PTPRA: variants seen among roughly 807,000 people sequenced by gnomAD.
PTPRA encodes protein tyrosine phosphatase receptor type A, also known as receptor-type tyrosine-protein phosphatase alpha.
Under a neutral mutation model 104.8 loss-of-function variants are expected in PTPRA, and 25 were observed. The observed-to-expected ratio is 0.24, with a 90% CI of 0.17 to 0.33. The LOEUF (loss-of-function observed/expected upper bound fraction) is 0.33, where lower values mean the gene tolerates loss of function less well. Ranked by LOEUF, PTPRA falls within the 10% of genes least tolerant of loss-of-function variation. The probability of loss-of-function intolerance (pLI) is 1.00; values close to 1 mark genes in which losing one functional copy is unlikely to be tolerated. For synonymous variants in PTPRA, 323 were observed against 368.9 expected, an observed-to-expected ratio of 0.88 and a Z score of 1.43; for missense variants, 765 against 1,015.3, an observed-to-expected ratio of 0.75 and a Z score of 3.35.
At position 3,037,997 on chromosome 20, in the gene PTPRA, G is replaced by A. The variant is rs182713573; in HGVS notation, c.2335-62G>A. 35 of 1,369,516 alleles carry A rather than the reference G, an allele frequency of 2.6e-5. No homozygotes were observed. The East Asian group carries it at 8.1e-4, about 32-fold the overall frequency. 84.8% of individuals were successfully genotyped at this position (1,369,516 alleles called of 1,614,324 possible). On this transcript the variant is annotated intron_variant, in intron 23 of 23. Transcript: ENST00000399903. The surrounding 1 kb of genome is among the most constrained non-coding windows in gnomAD (Gnocchi z 4.3). ...TTCAACAAAAAAATGAGTCTGTTAGGAATTACAGGTACTGTGTGTTCTTCA... is the reference window on the plus strand; with the variant it reads ...TTCAACAAAAAAATGAGTCTGTTAGAAATTACAGGTACTGTGTGTTCTTCA...
rs377024407 is a variant in PTPRA at position 2,946,576 on chromosome 20, A to C, written c.-49-1406A>C. ...GTTTAAAAGAAAGAGTAGGCCGGGC[A>C]TGGTGGCTCACACCTGTAATCCCAG... On this transcript the variant is annotated intron_variant, in intron 2 of 23. Coordinates refer to ENST00000399903, the MANE Select transcript of PTPRA (RefSeq NM_001385305.1). Among the ~76,000 whole-genome samples the C allele has an allele frequency of 1.6e-4, 24 of 152,282 alleles. No individual in the cohort carries two copies. The South Asian group carries it at 3.9e-3, about 25-fold the overall frequency.
chr20:2,874,882 C>T (rs1322412702), intron 1 of PTPRA, among the ~76,000 whole-genome samples: 1 of 152,174 alleles, frequency 6.6e-6, no homozygotes, highest in African/African-American at 2.4e-5. Context: ...ATCCCGCTTG[C>T]TGGCTAGTAT....
intron 1 of PTPRA, among the ~76,000 whole-genome samples, chr20:2,893,344 G>T (rs936873263): frequency 6.6e-6 from 1 of 152,188 alleles, no homozygotes. Flanking sequence ...TGAGTATAAA[G>T]TATAATCAAC....
intron 1 of PTPRA, among the ~76,000 whole-genome samples, chr20:2,904,947 G>A (rs1280819853): frequency 6.6e-6 from 1 of 152,090 alleles, no homozygotes; most frequent in Admixed American, 6.6e-5. Context: ...ATTATATAGA[G>A]CAGGGATACC....
intron 2 of PTPRA, among the ~76,000 whole-genome samples, chr20:2,945,561 G>A (rs1404433499): frequency 1.3e-5 from 2 of 151,068 alleles, no homozygotes; most frequent in South Asian, 2.1e-4. Flanking sequence ...TATGGAGCAC[G>A]GAGCTTGATT....
At chr20:3,036,923 GGTC>G (rs949962520) in intron 22 of PTPRA, among the ~76,000 whole-genome samples, 2 of 152,176 alleles carry the variant, frequency 1.3e-5, no homozygotes, top group Non-Finnish European at 2.9e-5. Flanking sequence ...TGTGAGTGAA[GGTC>G]GTCCCCCACG....
chr20:2,916,959 CTTTTT>C (rs35317223), intron 1 of PTPRA, among the ~76,000 whole-genome samples: 1 of 131,548 alleles, frequency 7.6e-6, no homozygotes, highest in African/African-American at 2.9e-5. Flanking sequence ...TTTTTTATTT[CTTTTT>C]TTTTTTTTTT....
At chr20:2,879,959 C>T (rs987241831) in intron 1 of PTPRA, among the ~76,000 whole-genome samples, 2 of 152,084 alleles carry the variant, frequency 1.3e-5, no homozygotes, top group Non-Finnish European at 2.9e-5. Context: ...GTGATGCATA[C>T]CTGTATATAT....
chr20:2,940,892 C>T (rs2060887653), intron 2 of PTPRA, among the ~76,000 whole-genome samples: 2 of 152,052 alleles, frequency 1.3e-5, no homozygotes, highest in South Asian at 4.2e-4. Flanking sequence ...CCTTTCTTGT[C>T]CTGCTTTAGT....
intron 1 of PTPRA, among the ~76,000 whole-genome samples, chr20:2,910,296 T>A (rs2059634602): frequency 8.3e-6 from 1 of 121,106 alleles, no homozygotes; most frequent in South Asian, 2.6e-4. Context: ...ATAATATGTA[T>A]TATATATTTT....
At chr20:3,019,037 C>T (rs2064660372) in intron 13 of PTPRA, among the ~76,000 whole-genome samples, 2 of 139,184 alleles carry the variant, frequency 1.4e-5, no homozygotes, top group African/African-American at 2.7e-5. Context: ...GGGGCTGACC[C>T]CCCCACCTCC....
At chr20:3,017,672 C>T (rs944596530) in intron 12 of PTPRA, 144 bp from the exon 13 acceptor site, 15 of 645,910 alleles carry the variant, frequency 2.3e-5, no homozygotes, top group African/African-American at 9.1e-5. Context: ...CAATTAGTAA[C>T]GGGGTGGATG....
At chr20:2,966,750 T>C (rs1178083291) in intron 5 of PTPRA, among the ~76,000 whole-genome samples, 5 of 152,240 alleles carry the variant, frequency 3.3e-5, no homozygotes, top group African/African-American at 1.2e-4. Flanking sequence ...TGTTTTTCAG[T>C]GTACAGGTCA....
chr20:3,020,417 C>G (rs1452316850), intron 13 of PTPRA, among the ~76,000 whole-genome samples: 1 of 152,156 alleles, frequency 6.6e-6, no homozygotes, highest in East Asian at 1.9e-4. Context: ...GCTTTTTTCC[C>G]CTGGTTTCTC....
At chr20:2,926,029 C>A (rs2060281583) in intron 2 of PTPRA, among the ~76,000 whole-genome samples, 1 of 152,094 alleles carries the variant, frequency 6.6e-6, no homozygotes, top group Non-Finnish European at 1.5e-5. Context: ...GCTTCAATTT[C>A]TTTACATTCT....
chr20:2,921,144 T>C (rs2060081177), intron 1 of PTPRA, among the ~76,000 whole-genome samples: 1 of 152,158 alleles, frequency 6.6e-6, no homozygotes, highest in Non-Finnish European at 1.5e-5. Flanking sequence ...TCTGGGACAT[T>C]GGTCTCATCT....
At chr20:2,933,435 TTTGGTTGGTTGG>T (rs781388996) in intron 2 of PTPRA, among the ~76,000 whole-genome samples, 4 of 151,784 alleles carry the variant, frequency 2.6e-5, no homozygotes, top group African/African-American at 7.3e-5. Flanking sequence ...GGTTCTTTCT[TTTGGTTGGTTGG>T]TTGGTTGGTT....
At chr20:2,932,454 G>A (rs2060542111) in intron 2 of PTPRA, among the ~76,000 whole-genome samples, 1 of 152,284 alleles carries the variant, frequency 6.6e-6, no homozygotes, top group South Asian at 2.1e-4. Context: ...AAACAAAGGG[G>A]TATGAGGGTT....
chr20:3,022,734 G>A lies in PTPRA; in HGVS notation c.1374G>A (p.Met458Ile), dbSNP rs2064940509. ...RTGTFVVIDA[M>I]LDMMHTERKV... ...GTACCTTTGTCGTCATTGATGCCAT[G>A]CTGGACATGATGCATACAGAACGGA... Residue 458 changes from methionine to isoleucine, a missense_variant, in exon 16 of 24, where the codon ATG becomes ATA. By Grantham distance (10) the Met-to-Ile change is conservative (BLOSUM62 1). This residue lies in a region of PTPRA where 245 missense variants were observed against 398.7 expected (regional missense o/e 0.61). Coordinates refer to ENST00000399903, the MANE Select transcript of PTPRA (RefSeq NM_001385305.1). The surrounding 1 kb of genome is among the most constrained non-coding windows in gnomAD (Gnocchi z 4.6). 5 of 1,614,228 alleles carry A rather than the reference G, an allele frequency of 3.1e-6. No homozygotes were observed. The highest frequency in any genetic ancestry group is 4.2e-6 in the Non-Finnish European group (5 of 1,180,048).
Sources: gnomAD v4.1 joint callset for allele counts (sites outside exome capture counted in the v4.1 genomes callset) on GRCh38, gnomAD v4.1.1 for gene constraint, gnomAD v4.1.1 regional missense constraint, Gnocchi (gnomAD v3.1) non-coding constraint, MANE v1.5 for transcripts, NCBI Gene and HGNC (gene_info 2026-07-23, HGNC 2026-07-21) for gene names.